Variants in PAPPA2 observed in about 807,000 individuals in gnomAD.
The protein encoded by PAPPA2 is pappalysin 2, also known as pappalysin-2.
In PAPPA2, 86 loss-of-function variants were observed where a neutral mutation model predicts 176.4. The observed-to-expected ratio is 0.49, with a 90% CI of 0.41 to 0.58. The LOEUF (loss-of-function observed/expected upper bound fraction) is 0.58, where lower values mean the gene tolerates loss of function less well. PAPPA2 is among the 20% of genes least tolerant of loss of function. PAPPA2 has a pLI of 0.00. For synonymous variants in PAPPA2, 809 were observed against 852.2 expected, an observed-to-expected ratio of 0.95 and a Z score of 0.88; for missense variants, 2,073 against 2,256.9, an observed-to-expected ratio of 0.92 and a Z score of 1.65.
intron 21 of PAPPA2, among the ~76,000 whole-genome samples, chr1:176,806,803 T>C (rs184089690): frequency 1.3e-5 from 2 of 152,296 alleles, no homozygotes; most frequent in East Asian, 3.9e-4. Context: ...GGCAAACCTG[T>C]TCTTGTTTCT....
intron 3 of PAPPA2, among the ~76,000 whole-genome samples, chr1:176,637,394 A>C (rs1466004275): frequency 6.6e-6 from 1 of 152,148 alleles, no homozygotes; most frequent in Non-Finnish European, 1.5e-5. Flanking sequence ...CCTGGATATA[A>C]ACAGATGGGT....
intron 17 of PAPPA2, among the ~76,000 whole-genome samples, chr1:176,780,397 T>C (rs1245847097): frequency 6.6e-6 from 1 of 152,144 alleles, no homozygotes; most frequent in Non-Finnish European, 1.5e-5. Context: ...TGGACTTCCC[T>C]CAGGCTCTTC....
At chr1:176,656,316 A>AT (rs1658027667) in intron 3 of PAPPA2, among the ~76,000 whole-genome samples, 1 of 151,720 alleles carries the variant, frequency 6.6e-6, no homozygotes, top group South Asian at 2.1e-4. Context: ...TATATCTGAA[A>AT]CAGCCAAACT....
chr1:176,816,152 G>GTGTGTGTA (rs1428455900), intron 21 of PAPPA2, among the ~76,000 whole-genome samples: 1 of 42,260 alleles, frequency 2.4e-5, no homozygotes, highest in African/African-American at 8.0e-5. Context: ...CTTTCACAGT[G>GTGTGTGTA]TATATATATA....
chr1:176,713,596 G>C (rs1249691373), intron 12 of PAPPA2, among the ~76,000 whole-genome samples: 1 of 152,004 alleles, frequency 6.6e-6, no homozygotes, highest in Non-Finnish European at 1.5e-5. Context: ...TCAAAACTAG[G>C]CTGGGCTTAT....
chr1:176,498,503 G>A (rs896771837), intron 1 of PAPPA2, among the ~76,000 whole-genome samples: 4 of 152,028 alleles, frequency 2.6e-5, no homozygotes, highest in South Asian at 2.1e-4. Flanking sequence ...TAATCCCAGC[G>A]CTTTGGGTGG....
At chr1:176,514,993 C>T (rs1054079840) in intron 1 of PAPPA2, among the ~76,000 whole-genome samples, 10 of 152,146 alleles carry the variant, frequency 6.6e-5, no homozygotes. Flanking sequence ...ATACGTTGGC[C>T]TCTGGAGTCC....
chr1:176,807,500 T>G (rs1010963046), intron 21 of PAPPA2, among the ~76,000 whole-genome samples: 1 of 150,202 alleles, frequency 6.7e-6, no homozygotes, highest in Non-Finnish European at 1.5e-5. Flanking sequence ...TTTCTTTCTT[T>G]TTTTTTTTTT....
At chr1:176,614,446 A>G (rs1655097811) in intron 3 of PAPPA2, among the ~76,000 whole-genome samples, 1 of 152,192 alleles carries the variant, frequency 6.6e-6, no homozygotes, top group Non-Finnish European at 1.5e-5. Flanking sequence ...TGAAAACCTG[A>G]AAAGTTGGCC....
At chr1:176,699,063 C>A in intron 7 of PAPPA2, 37 bp from the exon 8 acceptor site, 1 of 1,573,406 alleles carries the variant, frequency 6.4e-7, no homozygotes, top group Non-Finnish European at 8.6e-7. Context: ...CTTTTAATGG[C>A]TGCTACTGAT....
In PAPPA2 at chr1:176,699,229, A is replaced by C. The variant is rs1558527702; in HGVS notation, c.2876A>C (p.His959Pro). The part of the protein sequence containing the change: ...EGCSLELLFQ[H>P]PVQADTLTLW... ...TGTAGCTTGGAGCTGCTCTTCCAACACCCGGTCCAAGCCGACACCCTCACC... is the reference window on the plus strand; with the variant it reads ...TGTAGCTTGGAGCTGCTCTTCCAACCCCCGGTCCAAGCCGACACCCTCACC... The change falls in exon 8 of 23, where the codon CAC becomes CCC. Residue 959 changes from histidine (H) to proline (P), a missense_variant. Physicochemically the swap from His to Pro is moderately conservative, Grantham distance 77. This residue lies in a region of PAPPA2 where 1,196 missense variants were observed against 1,330.4 expected (regional missense o/e 0.90). Transcript: ENST00000367662. 6.2e-7 allele frequency: 1 copy of C among 1,613,804 alleles called. No individual in the cohort carries two copies. The highest frequency in any genetic ancestry group is 1.1e-5 in the South Asian group (1 of 91,064).
At chr1:176,529,225 A>G (rs997090836) in intron 1 of PAPPA2, among the ~76,000 whole-genome samples, 2 of 152,050 alleles carry the variant, frequency 1.3e-5, no homozygotes, top group Admixed American at 6.6e-5. Flanking sequence ...ATCAGGTGGG[A>G]AAAAAAGAGA....
Position 176,555,903 on chromosome 1 carries a change from G to A in PAPPA2, c.-420G>A, listed in dbSNP as rs2102588973. ...TGTGTTTGTGAGTGTGTATTTGAGA[G>A]ACTTGGCTCATGCCTGTGGGTCTTC... is the stretch of plus-strand genomic sequence containing the variant. On this transcript the variant is annotated 5_prime_UTR_variant, in exon 2 of 23. Coordinates refer to ENST00000367662, the MANE Select transcript of PAPPA2 (RefSeq NM_020318.3). 1 of 173,376 alleles carries A rather than the reference G, an allele frequency of 5.8e-6. No individual in the cohort carries two copies. Among genetic ancestry groups the A allele is most frequent in the Non-Finnish European group, 1.2e-5 (1 of 81,488 alleles). The allele number at this position is 173,376 out of a possible 1,614,324, so 10.7% of individuals were successfully genotyped here. A position where few individuals can be genotyped will look rare whatever the true frequency, so the allele number is the denominator to read the frequency against.
intron 5 of PAPPA2, chr1:176,691,223 A>T: frequency 1.0e-6 from 1 of 956,022 alleles, no homozygotes; most frequent in East Asian, 1.2e-4. Flanking sequence ...GTGAAAGAAG[A>T]TATTTTTTCT....
intron 1 of PAPPA2, among the ~76,000 whole-genome samples, chr1:176,503,845 G>A (rs1648100158): frequency 1.3e-5 from 2 of 152,120 alleles, no homozygotes; most frequent in Admixed American, 6.6e-5. Flanking sequence ...GGCAATTTTT[G>A]TGGGAGAAGA....
chr1:176,729,827 A>G (rs865967738), intron 12 of PAPPA2, among the ~76,000 whole-genome samples: 5 of 152,184 alleles, frequency 3.3e-5, no homozygotes, highest in South Asian at 4.1e-4. Context: ...ACAAGCCTTA[A>G]GTCATTTTTT....
At chr1:176,834,321 G>A (rs906046452) in intron 21 of PAPPA2, among the ~76,000 whole-genome samples, 3 of 152,148 alleles carry the variant, frequency 2.0e-5, no homozygotes, top group African/African-American at 7.2e-5. Flanking sequence ...AAGCCATCTT[G>A]ATATCTATCT....
intron 3 of PAPPA2, among the ~76,000 whole-genome samples, chr1:176,636,288 A>T (rs1430331103): frequency 1.3e-5 from 2 of 152,142 alleles, no homozygotes; most frequent in African/African-American, 4.8e-5. Context: ...AACTGGAGAG[A>T]CTGAGGCTTG....
At chr1:176,505,218 A>G (rs1400457716) in intron 1 of PAPPA2, among the ~76,000 whole-genome samples, 3 of 152,118 alleles carry the variant, frequency 2.0e-5, no homozygotes, top group Admixed American at 2.0e-4. Flanking sequence ...ATTCTATTTA[A>G]TCAATTCTTT....
Sources: gnomAD v4.1 joint callset for allele counts (sites outside exome capture counted in the v4.1 genomes callset) on GRCh38, gnomAD v4.1.1 for gene constraint, gnomAD v4.1.1 regional missense constraint, MANE v1.5 for transcripts, NCBI Gene and HGNC (gene_info 2026-07-23, HGNC 2026-07-21) for gene names.